Variants in DTHD1 observed in about 807,000 individuals in gnomAD.
DTHD1 encodes death domain-containing protein 1.
In DTHD1, 59 loss-of-function variants were observed where a neutral mutation model predicts 74.8. The ratio of observed to expected loss-of-function variants is 0.79; its 90% CI spans 0.64 to 0.98. DTHD1 has a LOEUF of 0.98. Among genes scored for constraint, DTHD1 ranks in the 50% least tolerant of loss-of-function variants. DTHD1 has a pLI of 0.00. For synonymous variants in DTHD1, 365 were observed against 371.1 expected (o/e 0.98, Z 0.19); for missense variants, 1,051 against 1,065.4 (o/e 0.99, Z 0.19).
chr4:36,307,622 G>C (rs1014153919), intron 6 of DTHD1, among the ~76,000 whole-genome samples: 3 of 152,096 alleles, frequency 2.0e-5, no homozygotes, highest in African/African-American at 7.2e-5. Flanking sequence ...CCATCCTAAC[G>C]ATCCTTCCCA....
chr4:36,331,687 C>A (rs923587798), intron 8 of DTHD1, among the ~76,000 whole-genome samples: 2 of 152,128 alleles, frequency 1.3e-5, no homozygotes, highest in Non-Finnish European at 2.9e-5. Flanking sequence ...TGTCTTCATG[C>A]ATAAGTGCTC....
chr4:36,300,159 T>G (rs2109478104), intron 5 of DTHD1, among the ~76,000 whole-genome samples: 1 of 152,350 alleles, frequency 6.6e-6, no homozygotes, highest in East Asian at 1.9e-4. Context: ...GGTATTTAGC[T>G]TCTAATTTGT....
Position 36,284,156 on chromosome 4 carries a change from G to A in DTHD1, c.452G>A (p.Gly151Glu). Reference protein sequence around the residue: ...DTKAADIAARGELNVIETATV... With the variant: ...DTKAADIAAREELNVIETATV... Reference sequence around the variant, plus strand: ...AAAGCAGCAGACATTGCTGCAAGAGGGGAACTAAATGTCATAGAAACAGCT... The same window carrying A: ...AAAGCAGCAGACATTGCTGCAAGAGAGGAACTAAATGTCATAGAAACAGCT... The change falls in exon 2 of 10, where the codon GGG (glycine) becomes GAG (glutamate). Residue 151 changes from glycine to glutamate, a missense_variant. Physicochemically the swap from Gly to Glu is moderately conservative, Grantham distance 98. Transcript: ENST00000639862. The A allele has an allele frequency of 6.5e-7, 1 of 1,537,158 alleles. No homozygotes were observed. The highest frequency in any genetic ancestry group is 8.7e-7 in the Non-Finnish European group (1 of 1,146,866).
At chr4:36,328,871 C>T (rs986323463) in intron 8 of DTHD1, among the ~76,000 whole-genome samples, 1 of 152,166 alleles carries the variant, frequency 6.6e-6, no homozygotes, top group Non-Finnish European at 1.5e-5. Flanking sequence ...TGTTCAAAAA[C>T]AATGTCCAAT....
chr4:36,303,903 A>G (rs907429654), intron 5 of DTHD1, among the ~76,000 whole-genome samples: 2 of 152,210 alleles, frequency 1.3e-5, no homozygotes, highest in Non-Finnish European at 2.9e-5. Context: ...GGATAGACCT[A>G]TATTAGCAAT....
chr4:36,340,633 T>C (rs758840840), intron 9 of DTHD1, among the ~76,000 whole-genome samples: 1 of 152,186 alleles, frequency 6.6e-6, no homozygotes, highest in Non-Finnish European at 1.5e-5. Context: ...ATTTTAGAAA[T>C]ATGACATTTG....
intron 4 of DTHD1, 60 bp from the exon 5 acceptor site, chr4:36,294,735 T>A: frequency 7.0e-7 from 1 of 1,424,444 alleles, no homozygotes; most frequent in East Asian, 2.5e-5. Context: ...GGATTAGAAA[T>A]GTACCAATAG....
At chr4:36,282,907 C>T (rs1755481113) in intron 1 of DTHD1, among the ~76,000 whole-genome samples, 1 of 151,964 alleles carries the variant, frequency 6.6e-6, no homozygotes, top group African/African-American at 2.4e-5. Context: ...TGGTCTTTGG[C>T]AATATAACAA....
chr4:36,316,237 T>C lies in DTHD1; in HGVS notation c.2096-5T>C, dbSNP rs946626368. On this transcript the variant is annotated splice_region_variant and splice_polypyrimidine_tract_variant and intron_variant, in intron 7 of 9. Transcript: ENST00000639862. ...TGGTAATAAATACATTTTACTTCTA[T>C]TTAGGCAACGGGAAGGATTATGGAA... is the stretch of plus-strand genomic sequence containing the variant. 3.2e-6 allele frequency: 5 copies of C among 1,548,242 alleles called. No individual in the cohort carries two copies. The African/African-American group carries it at 5.5e-5, about 17-fold the overall frequency.
intron 3 of DTHD1, among the ~76,000 whole-genome samples, chr4:36,293,266 A>AT (rs1756188270): frequency 7.3e-6 from 1 of 136,820 alleles, no homozygotes; most frequent in Non-Finnish European, 1.6e-5. Flanking sequence ...TATTCACACA[A>AT]TTTTGGGGAA....
chr4:36,336,169 C>A (rs1759000002), intron 8 of DTHD1, among the ~76,000 whole-genome samples: 1 of 152,186 alleles, frequency 6.6e-6, no homozygotes, highest in Non-Finnish European at 1.5e-5. Context: ...TTATAGAGGG[C>A]TGGAGAGTCA....
intron 6 of DTHD1, among the ~76,000 whole-genome samples, chr4:36,307,651 T>C (rs1451571826): frequency 1.3e-5 from 2 of 152,190 alleles, no homozygotes; most frequent in African/African-American, 4.8e-5. Context: ...GAGATGCGTA[T>C]TTTAATCCCC....
chr4:36,337,009 G>A (rs898171267), intron 8 of DTHD1, among the ~76,000 whole-genome samples: 1 of 152,126 alleles, frequency 6.6e-6, no homozygotes, highest in Non-Finnish European at 1.5e-5. Flanking sequence ...AAGGCATCCA[G>A]TGAGCCACAC....
intron 2 of DTHD1, among the ~76,000 whole-genome samples, chr4:36,287,037 GTTC>G (rs1465884739): frequency 2.0e-5 from 3 of 151,924 alleles, no homozygotes; most frequent in African/African-American, 7.3e-5. Flanking sequence ...ACACGAATAA[GTTC>G]TTTAGTGGTG....
In DTHD1 at chr4:36,344,915, T is replaced by G. The variant is rs1346460540; in HGVS notation, c.*1091T>G. 6.6e-6 allele frequency: 1 copy of G among 152,146 alleles called. No individual in the cohort carries two copies. The highest frequency in any genetic ancestry group is 1.9e-4 in the East Asian group (1 of 5,196). 9.4% of individuals were successfully genotyped at this position (152,146 alleles called of 1,614,324 possible). On this transcript the variant is annotated 3_prime_UTR_variant, in exon 10 of 10. Coordinates refer to ENST00000639862, the MANE Select transcript of DTHD1 (RefSeq NM_001170700.3). ...CTGAAAGACTTGATGTCGGTGGTAG[T>G]AACTCACTTTAAAAAAACCTTTCTA...
Position 36,345,078 on chromosome 4 carries a change from G to C in DTHD1, c.*1254G>C, listed in dbSNP as rs762979147. The C allele has an allele frequency of 5.6e-4, 86 of 152,238 alleles. No homozygotes were observed. The Middle Eastern group carries it at 0.01, about 18-fold the overall frequency. The allele number at this position is 152,238 out of a possible 1,614,324, so 9.4% of individuals were successfully genotyped here. On this transcript the variant is annotated 3_prime_UTR_variant, in exon 10 of 10. Coordinates refer to ENST00000639862, the MANE Select transcript of DTHD1 (RefSeq NM_001170700.3). ...AAATGAGGCAGTGCAGAGAAAATAA[G>C]TTATCAGTGAAAGAATTCAAGGCCT...
At chr4:36,309,200 C>T (rs1757235360) in intron 7 of DTHD1, among the ~76,000 whole-genome samples, 2 of 152,202 alleles carry the variant, frequency 1.3e-5, no homozygotes, top group African/African-American at 4.8e-5. Context: ...CTTTGGGAGG[C>T]TGAGGCAGGC....
intron 7 of DTHD1, among the ~76,000 whole-genome samples, chr4:36,310,186 G>A (rs1386098255): frequency 1.3e-5 from 2 of 152,094 alleles, no homozygotes; most frequent in African/African-American, 4.8e-5. Context: ...TAAGTGTGTA[G>A]TGAATGAATG....
At chr4:36,285,250 C>T (rs1209715331) in intron 2 of DTHD1, among the ~76,000 whole-genome samples, 2 of 152,118 alleles carry the variant, frequency 1.3e-5, no homozygotes, top group African/African-American at 4.8e-5. Flanking sequence ...CAAATTACTA[C>T]GAGTTCAAAT....
Sources: allele counts gnomAD v4.1 joint callset (sites outside exome capture counted in the v4.1 genomes callset), GRCh38; gene constraint gnomAD v4.1.1; transcripts MANE v1.5; gene names NCBI Gene and HGNC (gene_info 2026-07-23, HGNC 2026-07-21).